The following WDPCP variants were observed in gnomAD, a reference collection of about 807,000 sequenced individuals.
WDPCP encodes WD repeat-containing and planar cell polarity effector protein fritz homolog.
WDPCP carries 71 observed loss-of-function variants against 93.1 expected under a neutral mutation model. The ratio of observed to expected loss-of-function variants is 0.76; its 90% CI spans 0.63 to 0.93. The LOEUF (loss-of-function observed/expected upper bound fraction) is 0.93, where lower values mean the gene tolerates loss of function less well. WDPCP is among the 40% of genes least tolerant of loss of function. The probability of loss-of-function intolerance (pLI) is 0.00; values close to 1 mark genes in which losing one functional copy is unlikely to be tolerated. For missense variants in WDPCP, 844 were observed against 887.4 expected, an observed-to-expected ratio of 0.95 and a Z score of 0.62; for synonymous variants, 315 against 315.0, an observed-to-expected ratio of 1.00 and a Z score of 0.00.
chr2:63,747,582 A>G (rs1235905069), intron 2 of WDPCP, among the ~76,000 whole-genome samples: 3 of 151,874 alleles, frequency 2.0e-5, no homozygotes, highest in Non-Finnish European at 2.9e-5. Flanking sequence ...TCATATATCT[A>G]GTATCTATAT....
intron 3 of WDPCP, among the ~76,000 whole-genome samples, chr2:63,633,304 T>C (rs1709883951): frequency 2.6e-5 from 4 of 152,118 alleles, no homozygotes; most frequent in African/African-American, 9.7e-5. Flanking sequence ...CTGGTAAAGG[T>C]AAATATATAG....
chr2:63,650,576 T>C (rs1338032669), intron 3 of WDPCP: 2 of 152,218 alleles, frequency 1.3e-5, no homozygotes, highest in African/African-American at 4.8e-5. Flanking sequence ...AAAAAATATG[T>C]TCTTAGTATG....
At chr2:63,822,129 GT>G (rs149646194) in intron 1 of WDPCP, among the ~76,000 whole-genome samples, 4,860 of 152,090 alleles carry the variant, frequency 0.032, 268 homozygotes, top group African/African-American at 0.11. Context: ...ATTATTCCCT[GT>G]TTTTTATCTC....
chr2:63,710,471 G>C (rs1027188005), intron 2 of WDPCP, among the ~76,000 whole-genome samples: 2 of 152,086 alleles, frequency 1.3e-5, no homozygotes, highest in Admixed American at 1.3e-4. Flanking sequence ...AACCCTGCTC[G>C]GGCCTTGTAA....
intron 14 of WDPCP, among the ~76,000 whole-genome samples, chr2:63,258,958 CTG>C (rs1019743164): frequency 1.6e-4 from 25 of 152,066 alleles, no homozygotes; most frequent in African/African-American, 5.8e-4. Context: ...AATGACATGT[CTG>C]TGTATAAATA....
At chr2:63,512,443 T>G (rs1322013043) in intron 1 of WDPCP, among the ~76,000 whole-genome samples, 1 of 152,232 alleles carries the variant, frequency 6.6e-6, no homozygotes, top group Non-Finnish European at 1.5e-5. Flanking sequence ...TATGCACATC[T>G]ATGTTTATTG....
intron 12 of WDPCP, among the ~76,000 whole-genome samples, chr2:63,344,905 G>A (rs1033982431): frequency 2.6e-5 from 4 of 152,176 alleles, no homozygotes; most frequent in Admixed American, 6.5e-5. Flanking sequence ...AACTGGGGGT[G>A]ATACACAGGT....
intron 12 of WDPCP, among the ~76,000 whole-genome samples, chr2:63,348,349 C>G (rs900702792): frequency 9.2e-5 from 14 of 152,166 alleles, no homozygotes; most frequent in Admixed American, 2.6e-4. Context: ...ACTATAAGTG[C>G]TATAGCAGAG....
At chr2:63,463,938 G>A (rs1266830471) in intron 6 of WDPCP, among the ~76,000 whole-genome samples, 1 of 152,086 alleles carries the variant, frequency 6.6e-6, no homozygotes, top group Non-Finnish European at 1.5e-5. Context: ...GAGAGGAAAA[G>A]CTTTATGACA....
intron 6 of WDPCP, among the ~76,000 whole-genome samples, chr2:63,455,060 C>A (rs897330264): frequency 6.6e-6 from 1 of 151,994 alleles, no homozygotes; most frequent in Non-Finnish European, 1.5e-5. Flanking sequence ...GAGTCCTAAC[C>A]CTGGAAGTGA....
intron 2 of WDPCP, among the ~76,000 whole-genome samples, chr2:63,731,318 G>T (rs192578941): frequency 0.017 from 2,642 of 151,878 alleles, 23 homozygotes; most frequent in African/African-American, 0.018. Flanking sequence ...ACTGTTGGGG[G>T]TTTTTTTGTT....
intron 17 of WDPCP, among the ~76,000 whole-genome samples, chr2:63,151,068 C>G (rs755617835): frequency 3.9e-4 from 59 of 152,314 alleles, no homozygotes; most frequent in Middle Eastern, 6.8e-3. Flanking sequence ...CAAAAACCAT[C>G]CTATACTTTA....
intron 15 of WDPCP, among the ~76,000 whole-genome samples, chr2:63,154,909 A>G (rs1672131765): frequency 6.6e-6 from 1 of 152,188 alleles, no homozygotes; most frequent in Admixed American, 6.5e-5. Flanking sequence ...AGCTCATGAT[A>G]TTAAATTTAT....
chr2:63,308,949 C>A (rs1404558312), intron 13 of WDPCP, among the ~76,000 whole-genome samples: 1 of 152,110 alleles, frequency 6.6e-6, no homozygotes, highest in African/African-American at 2.4e-5. Flanking sequence ...AAAAGAATGA[C>A]ATCATGTCCT....
intron 14 of WDPCP, among the ~76,000 whole-genome samples, chr2:63,215,199 C>T (rs1359873611): frequency 1.3e-5 from 2 of 152,176 alleles, no homozygotes; most frequent in African/African-American, 4.8e-5. Flanking sequence ...AAGCTGGAGG[C>T]ATCATGCTAC....
chr2:63,281,649 A>G (rs1306676371), intron 13 of WDPCP, among the ~76,000 whole-genome samples: 1 of 152,226 alleles, frequency 6.6e-6, no homozygotes, highest in African/African-American at 2.4e-5. Flanking sequence ...CAGCCATAAA[A>G]AGGAATTGAA....
rs1575080526 is a variant in WDPCP at position 63,295,329 on chromosome 2, T to C, written c.1812+17919A>G. 2.0e-5 allele frequency among the ~76,000 whole-genome samples: 3 copies of C among 151,964 alleles called. No homozygotes were observed. In the East Asian group the frequency reaches 5.8e-4, roughly 29 times the overall value. On this transcript the variant is annotated intron_variant, in intron 13 of 17. Transcript: ENST00000272321. ...TAATTTTAATGCAAATGGATCAAAC[T>C]TCCAATCAAAAGACATATTAACAGA...
chr2:63,233,316 T>C, intron 14 of WDPCP: 1 of 273,630 alleles, frequency 3.7e-6, no homozygotes, highest in Non-Finnish European at 7.0e-6. Context: ...AAATCAGAGC[T>C]AGCTGGCTTC....
intron 3 of WDPCP, among the ~76,000 whole-genome samples, chr2:63,600,524 T>TA (rs1709398509): frequency 6.6e-6 from 1 of 152,232 alleles, no homozygotes; most frequent in Non-Finnish European, 1.5e-5. Flanking sequence ...GTAATAATTG[T>TA]ATCTACCTCA....
Sources: allele counts gnomAD v4.1 joint callset (sites outside exome capture counted in the v4.1 genomes callset), GRCh38; gene constraint gnomAD v4.1.1; transcripts MANE v1.5; gene names NCBI Gene and HGNC (gene_info 2026-07-23, HGNC 2026-07-21).